Variants in UQCC2 observed in about 807,000 individuals in gnomAD.
The protein encoded by UQCC2 is breast cancer-associated protein SGA-81M.
In UQCC2, 21 loss-of-function variants were observed where a neutral mutation model predicts 19.9. The ratio of observed to expected loss-of-function variants is 1.05; its 90% CI spans 0.75 to 1.52. UQCC2 has a LOEUF of 1.52. Ranked by LOEUF, UQCC2 falls within the 40% of genes most tolerant of loss-of-function variation. The probability of loss-of-function intolerance (pLI) is 0.00; values close to 1 mark genes in which losing one functional copy is unlikely to be tolerated. For missense variants in UQCC2, 135 were observed against 157.5 expected (o/e 0.86, Z 0.76); for synonymous variants, 57 against 60.9 (o/e 0.94, Z 0.30).
rs749841853 is a variant in UQCC2 at position 33,701,358 on chromosome 6, G to A, written c.201C>T (p.Tyr67=). ...YESLARLHSN[Y]YKHKYPRPRD... is the part of the protein sequence containing the mutation. ...GTGGCCCACTCACCTTGTGTTTGTA[G>A]TAGTTTGAATGGAGTCGCGCTAAGC... Residue 67 remains tyrosine (Y), a synonymous_variant, in exon 2 of 4, where the codon TAC becomes TAT. Transcript: ENST00000607484. 2 of 1,613,172 alleles carry A rather than the reference G, an allele frequency of 1.2e-6. No homozygotes were observed. The highest frequency in any genetic ancestry group is 2.7e-5 in the African/African-American group (2 of 74,886).
At chr6:33,710,617 C>G (rs6917140) in intron 1 of UQCC2, among the ~76,000 whole-genome samples, 63,471 of 152,122 alleles carry the variant, frequency 0.42, 15,684 homozygotes, top group East Asian at 0.86. Context: ...AGAAAGGCCC[C>G]ACTAATAACA....
Position 33,697,550 on chromosome 6 carries a change from G to T in UQCC2, c.*103C>A. The T allele has an allele frequency of 2.4e-6, 2 of 848,816 alleles. No individual in the cohort carries two copies. Among genetic ancestry groups the T allele is most frequent in the Non-Finnish European group, 3.6e-6 (2 of 549,282 alleles). The allele number at this position is 848,816 out of a possible 1,614,324, so 52.6% of individuals were successfully genotyped here. ...CTTCCTTTCTGGGAAAGCTAGAGGA[G>T]ATTCCCAAACCGTAAGGTCAAGGGG... On this transcript the variant is annotated 3_prime_UTR_variant, in exon 4 of 4. Transcript: ENST00000607484.
chr6:33,711,498 C>G (rs1765771244), intron 1 of UQCC2, 51 bp downstream of exon 1: 1 of 1,551,842 alleles, frequency 6.4e-7, no homozygotes, highest in South Asian at 1.2e-5. Context: ...TTGGCCCCGC[C>G]CCTGCCTCGT....
At chr6:33,706,809 T>C (rs950986293) in intron 1 of UQCC2, among the ~76,000 whole-genome samples, 1 of 152,200 alleles carries the variant, frequency 6.6e-6, no homozygotes, top group Admixed American at 6.5e-5. Context: ...TTTGCGGTTG[T>C]AGGGGTGCAG....
At chr6:33,705,350 C>CCT (rs10701651) in intron 1 of UQCC2, among the ~76,000 whole-genome samples, 63,236 of 151,860 alleles carry the variant, frequency 0.42, 15,576 homozygotes, top group East Asian at 0.86. Flanking sequence ...TCTGAAACTT[C>CCT]CTGTGTGAAA....
chr6:33,711,590 G>C lies in UQCC2; in HGVS notation c.97C>G (p.Gln33Glu), dbSNP rs2127339832. ...RGRDLGAYLR[Q>E]RVAQAFREGE... The stretch of plus-strand genomic sequence containing the variant: ...TCCCGAAAGGCCTGTGCTACCCGCT[G>C]TCGCAGGTAAGCGCCCAAGTCCCGG... The change falls in exon 1 of 4, where the codon CAG (glutamine) becomes GAG (glutamate). Residue 33 changes from glutamine (Q) to glutamate (E), a missense_variant. Physicochemically the swap from Gln to Glu is conservative, Grantham distance 29. Transcript: ENST00000607484. The C allele has an allele frequency of 6.2e-7, 1 of 1,613,958 alleles. No individual in the cohort carries two copies. Among genetic ancestry groups the C allele is most frequent in the Non-Finnish European group, 8.5e-7 (1 of 1,179,924 alleles).
chr6:33,701,331 C>T lies in UQCC2; in HGVS notation c.213+15G>A. The T allele has an allele frequency of 6.2e-7, 1 of 1,608,110 alleles. No individual in the cohort carries two copies. Among genetic ancestry groups the T allele is most frequent in the Non-Finnish European group, 8.5e-7 (1 of 1,177,652 alleles). ...GTCAGAAAGCTGGGTATATAAAAGA[C>T]TGTGGCCCACTCACCTTGTGTTTGT... On this transcript the variant is annotated intron_variant, in intron 2 of 3. Coordinates refer to ENST00000607484, the MANE Select transcript of UQCC2 (RefSeq NM_032340.4).
intron 1 of UQCC2, among the ~76,000 whole-genome samples, chr6:33,705,348 T>G (rs561158014): frequency 3.5e-4 from 41 of 118,622 alleles, no homozygotes; most frequent in African/African-American, 1.0e-3. Flanking sequence ...CTTCTGAAAC[T>G]TCCTGTGTGA....
At chr6:33,710,241 CTCTT>C (rs1765750171) in intron 1 of UQCC2, among the ~76,000 whole-genome samples, 1 of 152,168 alleles carries the variant, frequency 6.6e-6, no homozygotes. Flanking sequence ...TCTCTCCAGC[CTCTT>C]TTTTTGTTAT....
Position 33,710,300 on chromosome 6 carries a change from T to G in UQCC2, c.138+1249A>C, listed in dbSNP as rs149235570. On this transcript the variant is annotated intron_variant, in intron 1 of 3. Transcript: ENST00000607484. The stretch of plus-strand genomic sequence containing the variant: ...ACCACATACAACCAGAATAGTCTTT[T>G]AAAAAGTAAATTAGGGCACATCAGT... Among the ~76,000 whole-genome samples, 8 of 152,262 alleles carry G rather than the reference T, an allele frequency of 5.3e-5. No homozygotes were observed. The East Asian group carries it at 1.5e-3, about 29-fold the overall frequency.
rs535509298 is a variant in UQCC2, at chr6:33,696,853, C to A, written c.*800G>T. 1 of 152,430 alleles carries A rather than the reference C, an allele frequency of 6.6e-6. No individual in the cohort carries two copies. Among genetic ancestry groups the A allele is most frequent in the East Asian group, 1.9e-4 (1 of 5,188 alleles). 9.4% of individuals were successfully genotyped at this position (152,430 alleles called of 1,614,324 possible). On this transcript the variant is annotated 3_prime_UTR_variant, in exon 4 of 4. Transcript: ENST00000607484. ...AGACGAGGTTAAGAACCCACTTCCA[C>A]TTTGTACCCACCAGGGCCGCTGTGG...
chr6:33,706,127 T>A (rs1157452269), intron 1 of UQCC2, among the ~76,000 whole-genome samples: 1 of 152,182 alleles, frequency 6.6e-6, no homozygotes, highest in Non-Finnish European at 1.5e-5. Flanking sequence ...GTGACAGCAA[T>A]TGGTACAGCG....
intron 3 of UQCC2, among the ~76,000 whole-genome samples, chr6:33,700,168 C>T (rs1765622478): frequency 6.6e-6 from 1 of 152,208 alleles, no homozygotes; most frequent in Non-Finnish European, 1.5e-5. Context: ...CTGATTTCAA[C>T]TACTTCCATT....
At chr6:33,703,785 A>G (rs552912830) in intron 1 of UQCC2, among the ~76,000 whole-genome samples, 31 of 152,324 alleles carry the variant, frequency 2.0e-4, no homozygotes, top group Non-Finnish European at 4.6e-4. Flanking sequence ...CTCTTATATA[A>G]CCACAGTTCA....
At chr6:33,699,320 A>G (rs1402253256) in intron 3 of UQCC2, among the ~76,000 whole-genome samples, 1 of 152,220 alleles carries the variant, frequency 6.6e-6, no homozygotes, top group Non-Finnish European at 1.5e-5. Flanking sequence ...TGCAGCGCGG[A>G]CCAATGGCGG....
intron 1 of UQCC2, among the ~76,000 whole-genome samples, chr6:33,707,908 A>G (rs1403998726): frequency 6.6e-6 from 1 of 152,246 alleles, no homozygotes; most frequent in African/African-American, 2.4e-5. Flanking sequence ...ATGGGGTGTA[A>G]GAGGAGTTAC....
intron 3 of UQCC2, chr6:33,698,456 A>G (rs1765597397): frequency 6.6e-6 from 1 of 152,164 alleles, no homozygotes; most frequent in African/African-American, 2.4e-5. Context: ...AACCACACGT[A>G]CCTCAAAAGT....
intron 3 of UQCC2, among the ~76,000 whole-genome samples, chr6:33,699,510 C>T (rs555908194): frequency 2.0e-5 from 3 of 152,212 alleles, no homozygotes; most frequent in East Asian, 1.9e-4. Flanking sequence ...GCTAATTACA[C>T]GGACCCAGGG....
chr6:33,707,150 C>T (rs750179156), intron 1 of UQCC2, among the ~76,000 whole-genome samples: 3 of 152,186 alleles, frequency 2.0e-5, no homozygotes, highest in Non-Finnish European at 2.9e-5. Context: ...TGAATACTAC[C>T]CTAGCTCACA....
Sources: gnomAD v4.1 joint callset for allele counts (sites outside exome capture counted in the v4.1 genomes callset) on GRCh38, gnomAD v4.1.1 for gene constraint, MANE v1.5 for transcripts, NCBI Gene and HGNC (gene_info 2026-07-23, HGNC 2026-07-21) for gene names.